CRYBG3: variants seen among roughly 807,000 people sequenced by gnomAD.
The protein encoded by CRYBG3 is crystallin beta-gamma domain containing 3.
A neutral mutation model predicts 244.2 loss-of-function variants in CRYBG3; 127 were observed. That is an observed-to-expected ratio of 0.52 (90% CI 0.45 to 0.60). The LOEUF is 0.60. CRYBG3 is among the 20% of genes least tolerant of loss of function. The pLI is 0.00. For missense variants in CRYBG3, 3,325 were observed against 3,442.5 expected (o/e 0.97, Z 0.85); for synonymous variants, 1,132 against 1,195.8 (o/e 0.95, Z 1.10).
chr3:97,860,001 G>A (rs1385861381), intron 2 of CRYBG3, among the ~76,000 whole-genome samples: 1 of 152,096 alleles, frequency 6.6e-6, no homozygotes, highest in Admixed American at 6.6e-5. Flanking sequence ...TCACAAAACA[G>A]TAAGTTCTGT....
Position 97,875,607 on chromosome 3 carries a change from T to C in CRYBG3, c.4413T>C (p.Thr1471=). 8.1e-7 allele frequency: 1 copy of C among 1,235,334 alleles called. No homozygotes were observed. The highest frequency in any genetic ancestry group is 1.0e-6 in the Non-Finnish European group (1 of 990,418). 76.5% of individuals were successfully genotyped at this position (1,235,334 alleles called of 1,614,324 possible). A position where few individuals can be genotyped will look rare whatever the true frequency, so the allele number is the denominator to read the frequency against. ...NNKTETEDRR[T]LVLNFKWPPL... is the part of the protein sequence containing the mutation. ...AAACTGAGACAGAGGACAGAAGAACTCTTGTATTAAATTTCAAATGGCCTC... is the reference window on the plus strand; with the variant it reads ...AAACTGAGACAGAGGACAGAAGAACCCTTGTATTAAATTTCAAATGGCCTC... The change falls in exon 4 of 22, where the codon ACT becomes ACC. Residue 1471 remains threonine (T), a synonymous_variant. Transcript: ENST00000389622.
At chr3:97,908,903 G>A (rs1265112564) in intron 15 of CRYBG3, among the ~76,000 whole-genome samples, 1 of 152,130 alleles carries the variant, frequency 6.6e-6, no homozygotes, top group Non-Finnish European at 1.5e-5. Flanking sequence ...TCCTTTCCAT[G>A]TTTAGCGCTT....
chr3:97,845,766 T>C (rs1181220027), intron 2 of CRYBG3, among the ~76,000 whole-genome samples: 2 of 152,248 alleles, frequency 1.3e-5, no homozygotes, highest in African/African-American at 4.8e-5. Flanking sequence ...TCCCTCCATC[T>C]TCACTGGCTT....
At chr3:97,924,239 G>A (rs1374021108) in intron 17 of CRYBG3, 13 of 327,270 alleles carry the variant, frequency 4.0e-5, no homozygotes, top group Non-Finnish European at 6.4e-5. Flanking sequence ...GAAAAAGATA[G>A]TTAGAATCCT....
chr3:97,874,115 G>A lies in CRYBG3; in HGVS notation c.2921G>A (p.Cys974Tyr), dbSNP rs1262711170. Residue 974 changes from cysteine to tyrosine, a missense_variant, in exon 4 of 22, where the codon TGT becomes TAT. Cys to Tyr is a radical substitution (Grantham distance 194). This residue lies in a region of CRYBG3 where 1,526 missense variants were observed against 1,443.2 expected (regional missense o/e 1.06). Coordinates refer to ENST00000389622, the MANE Select transcript of CRYBG3 (RefSeq NM_153605.4). ...GTGTTTCATCAATCTTTGGATATTT[G>A]TGGGACTAAAAAGATTTCTGGTCAC... Reference protein sequence around the residue: ...TCVFHQSLDICGTKKISGHSE... With the variant: ...TCVFHQSLDIYGTKKISGHSE... 2 of 1,535,240 alleles carry A rather than the reference G, an allele frequency of 1.3e-6. No individual in the cohort carries two copies. Among genetic ancestry groups the A allele is most frequent in the East Asian group, 2.4e-5 (1 of 40,904 alleles).
intron 17 of CRYBG3, among the ~76,000 whole-genome samples, chr3:97,918,378 G>T (rs1302009338): frequency 6.6e-6 from 1 of 152,160 alleles, no homozygotes; most frequent in East Asian, 1.9e-4. Flanking sequence ...ATAGTGAATG[G>T]AGCTAGGAGT....
chr3:97,910,969 C>G (rs1479506834), intron 15 of CRYBG3, among the ~76,000 whole-genome samples: 1 of 152,224 alleles, frequency 6.6e-6, no homozygotes, highest in East Asian at 1.9e-4. Context: ...TGCTGGATCA[C>G]ATCTCCTTAA....
rs1204960980 is a variant in CRYBG3, at chr3:97,885,315, ATTATAC to A, written c.7153-1313_7153-1308del. Among the ~76,000 whole-genome samples, 7 of 152,242 alleles carry A rather than the reference ATTATAC, an allele frequency of 4.6e-5. No individual in the cohort carries two copies. The South Asian group carries it at 1.5e-3, about 32-fold the overall frequency. ...TGGGGAAAAGTTGAAAAATCAGACT[ATTATAC>A]TTTTAGAATTGCAAAACTTAAGTAG... On this transcript the variant is annotated intron_variant, in intron 7 of 21. Transcript: ENST00000389622.
intron 16 of CRYBG3, 118 bp from the exon 17 acceptor site, chr3:97,915,492 G>A: frequency 1.0e-6 from 1 of 991,412 alleles, no homozygotes; most frequent in Non-Finnish European, 1.4e-6. Context: ...AGCTGGTGTG[G>A]TGGTGCTCTG....
chr3:97,858,851 G>A (rs1429510382), intron 2 of CRYBG3, among the ~76,000 whole-genome samples: 2 of 151,996 alleles, frequency 1.3e-5, no homozygotes, highest in African/African-American at 2.4e-5. Context: ...GAGAATTACT[G>A]TATTTCTTTG....
In CRYBG3 at chr3:97,874,790, A is replaced by G. The variant is rs1489787722; in HGVS notation, c.3596A>G (p.Lys1199Arg). The G allele has an allele frequency of 6.5e-7, 1 of 1,536,062 alleles. No homozygotes were observed. Among genetic ancestry groups the G allele is most frequent in the Admixed American group, 2.0e-5 (1 of 50,996 alleles). Reference protein sequence around the residue: ...LLDLKSSLLKKADTLIGEIFN... With the variant: ...LLDLKSSLLKRADTLIGEIFN... ...GACCTCAAAAGTAGTTTACTCAAAA[A>G]GGCCGATACATTGATTGGTGAGATT... is the stretch of plus-strand genomic sequence containing the variant. The change falls in exon 4 of 22, where the codon AAG (lysine) becomes AGG (arginine). Residue 1199 changes from lysine to arginine, a missense_variant. By Grantham distance (26) the Lys-to-Arg change is conservative. Transcript: ENST00000389622.
chr3:97,849,384 G>T (rs1039224511), intron 2 of CRYBG3, among the ~76,000 whole-genome samples: 1 of 152,060 alleles, frequency 6.6e-6, no homozygotes, highest in Middle Eastern at 3.2e-3. Context: ...ATACAAGAAG[G>T]CATACCATAT....
intron 14 of CRYBG3, 132 bp from the exon 15 acceptor site, chr3:97,900,321 C>A: frequency 8.4e-6 from 5 of 593,626 alleles, no homozygotes; most frequent in Non-Finnish European, 1.2e-5. Context: ...GTACCCCAGC[C>A]TGGATAACAG....
chr3:97,839,716 T>G (rs1247111535), intron 1 of CRYBG3, among the ~76,000 whole-genome samples: 9 of 151,772 alleles, frequency 5.9e-5, no homozygotes. Context: ...GCGTCCTGAA[T>G]AGCTGGGACT....
At chr3:97,836,924 C>T (rs1004017163) in intron 1 of CRYBG3, 1 of 151,986 alleles carries the variant, frequency 6.6e-6, no homozygotes, top group Admixed American at 6.6e-5. Context: ...TTTTTTTTCC[C>T]ACTCATTCTT....
chr3:97,896,137 CA>C, intron 12 of CRYBG3, 52 bp downstream of exon 12: 1 of 1,538,878 alleles, frequency 6.5e-7, no homozygotes, highest in Non-Finnish European at 8.8e-7. Flanking sequence ...AATCTGTTCA[CA>C]AAAATTGGAC....
rs933706071 is a variant in CRYBG3 at position 97,874,175 on chromosome 3, C to T, written c.2981C>T (p.Ser994Phe). The change falls in exon 4 of 22, where the codon TCC becomes TTC. Residue 994 changes from serine to phenylalanine, a missense_variant. This residue lies in a region of CRYBG3 where 1,526 missense variants were observed against 1,443.2 expected (regional missense o/e 1.06). Coordinates refer to ENST00000389622, the MANE Select transcript of CRYBG3 (RefSeq NM_153605.4). ...EMAELSLTNI[S>F]PKFQETGSMK... ...GCGGAACTCAGCTTAACTAATATTT[C>T]CCCTAAATTCCAAGAAACTGGCAGC... 5.2e-6 allele frequency: 8 copies of T among 1,529,658 alleles called. No homozygotes were observed. The highest frequency in any genetic ancestry group is 2.4e-5 in the East Asian group (1 of 40,900). The allele number at this position is 1,529,658 out of a possible 1,614,324, so 94.8% of individuals were successfully genotyped here.
chr3:97,920,990 A>G (rs2039978552), intron 17 of CRYBG3, among the ~76,000 whole-genome samples: 1 of 152,130 alleles, frequency 6.6e-6, no homozygotes, highest in Non-Finnish European at 1.5e-5. Flanking sequence ...AGCATTGAGC[A>G]TGTAGCCTTC....
intron 3 of CRYBG3, among the ~76,000 whole-genome samples, chr3:97,867,581 C>A (rs1157746674): frequency 6.6e-6 from 1 of 152,168 alleles, no homozygotes; most frequent in Non-Finnish European, 1.5e-5. Flanking sequence ...GGGCTAAAAT[C>A]TGTAAAACCT....
Sources: gnomAD v4.1 joint callset for allele counts (sites outside exome capture counted in the v4.1 genomes callset) on GRCh38, gnomAD v4.1.1 for gene constraint, gnomAD v4.1.1 regional missense constraint, MANE v1.5 for transcripts, NCBI Gene and HGNC (gene_info 2026-07-23, HGNC 2026-07-21) for gene names.